The following TWF1 variants were observed in gnomAD, a reference collection of about 807,000 sequenced individuals.
TWF1 encodes twinfilin-1.
In TWF1, 14 loss-of-function variants were observed where a neutral mutation model predicts 47.9. That is an observed-to-expected ratio of 0.29 (90% CI 0.19 to 0.46). The LOEUF (loss-of-function observed/expected upper bound fraction) is 0.46. TWF1 is among the 20% of genes least tolerant of loss of function. TWF1 has a pLI of 1.00. For synonymous variants in TWF1, 96 were observed against 139.2 expected (o/e 0.69, Z 2.18); for missense variants, 281 against 409.3 (o/e 0.69, Z 2.70).
chr12:43,797,423 A>G lies in TWF1; in HGVS notation c.639T>C (p.Ile213=). Residue 213 remains isoleucine (I), a synonymous_variant, in exon 7 of 9, where the codon ATT becomes ATC. Coordinates refer to ENST00000395510, the MANE Select transcript of TWF1 (RefSeq NM_002822.5). ...LEIDIKNEII[I]LANTTNTELK... is the part of the protein sequence containing the mutation. The stretch of plus-strand genomic sequence containing the variant: ...GTTCTGTATTTGTTGTGTTGGCCAA[A>G]ATTATAATTTCATTTTTTATATCTA... The G allele has an allele frequency of 1.3e-6, 2 of 1,597,434 alleles. No individual in the cohort carries two copies. The highest frequency in any genetic ancestry group is 1.7e-6 in the Non-Finnish European group (2 of 1,172,122).
At chr12:43,804,274 C>A (rs1430064458) in intron 2 of TWF1, 3 of 530,600 alleles carry the variant, frequency 5.7e-6, no homozygotes, top group Admixed American at 2.7e-5. Context: ...GAAGAAGTCA[C>A]ATCAAAAAAC....
At chr12:43,798,787 A>G (rs552824653) in intron 5 of TWF1, among the ~76,000 whole-genome samples, 2 of 152,204 alleles carry the variant, frequency 1.3e-5, no homozygotes, top group East Asian at 3.9e-4. Context: ...CAGCTAATGA[A>G]TAGTGGTTTC....
intron 2 of TWF1, among the ~76,000 whole-genome samples, chr12:43,803,529 A>G (rs546632496): frequency 6.6e-6 from 1 of 152,264 alleles, no homozygotes; most frequent in Non-Finnish European, 1.5e-5. Context: ...ACAAAACAAA[A>G]AAGTAAAACC....
chr12:43,804,658 A>C, intron 1 of TWF1, 86 bp from the exon 2 acceptor site: 1 of 918,816 alleles, frequency 1.1e-6, no homozygotes. Flanking sequence ...ATTAGAATAC[A>C]AAGAAAAAAT....
intron 1 of TWF1, 139 bp downstream of exon 1, chr12:43,806,082 C>A: frequency 6.6e-7 from 1 of 1,517,990 alleles, no homozygotes; most frequent in South Asian, 1.2e-5. Context: ...CGCGGAGAGG[C>A]GCCGAGGCCC....
intron 1 of TWF1, chr12:43,805,546 C>A (rs1942744509): frequency 2.2e-6 from 1 of 458,654 alleles, no homozygotes; most frequent in Non-Finnish European, 4.4e-6. Flanking sequence ...CAATTTCAAA[C>A]CAGGAAATAA....
At chr12:43,803,269 A>G (rs919029474) in intron 2 of TWF1, among the ~76,000 whole-genome samples, 1 of 152,192 alleles carries the variant, frequency 6.6e-6, no homozygotes, top group Non-Finnish European at 1.5e-5. Flanking sequence ...AAAGAGCACT[A>G]TATGCTATTT....
At chr12:43,797,240 A>T in intron 7 of TWF1, 62 bp downstream of exon 7, 2 of 1,506,122 alleles carry the variant, frequency 1.3e-6, no homozygotes, top group South Asian at 2.6e-5. Context: ...AAGTAAGAAT[A>T]TAGGGCTGAT....
intron 2 of TWF1, among the ~76,000 whole-genome samples, chr12:43,802,884 A>G (rs988320931): frequency 6.6e-6 from 1 of 152,208 alleles, no homozygotes; most frequent in African/African-American, 2.4e-5. Flanking sequence ...GAAATATTAA[A>G]TAAAACCATG....
In TWF1 at chr12:43,794,218, A is replaced by G. The variant is rs1942511152; in HGVS notation, c.*1367T>C. On this transcript the variant is annotated 3_prime_UTR_variant, in exon 9 of 9. Coordinates refer to ENST00000395510, the MANE Select transcript of TWF1 (RefSeq NM_002822.5). ...AGTAAACAAGTGCAACATTATTGTC[A>G]GTTATTTTGCATGTTTAAATATTAT... 6.6e-6 allele frequency: 1 copy of G among 152,670 alleles called. No homozygotes were observed. The highest frequency in any genetic ancestry group is 2.4e-5 in the African/African-American group (1 of 41,464). The allele number at this position is 152,670 out of a possible 1,614,324, so 9.5% of individuals were successfully genotyped here.
chr12:43,796,487 T>C (rs1290591649), intron 8 of TWF1, among the ~76,000 whole-genome samples: 1 of 152,158 alleles, frequency 6.6e-6, no homozygotes, highest in Non-Finnish European at 1.5e-5. Context: ...CAAATGTTTA[T>C]GCTTATTCCT....
intron 5 of TWF1, among the ~76,000 whole-genome samples, chr12:43,799,085 A>G (rs1003904236): frequency 3.9e-5 from 6 of 152,134 alleles, no homozygotes; most frequent in African/African-American, 1.4e-4. Flanking sequence ...TAAATGGGTA[A>G]CACACACTTT....
chr12:43,806,288 A>G lies in TWF1; in HGVS notation c.-43T>C, dbSNP rs1285028787. Reference sequence around the variant, plus strand: ...CCCGGCTCCGGCGCTGAGTGCAGCCAGCGGCCCCGGCCGGCGGCCCCAGGA... The same window carrying G: ...CCCGGCTCCGGCGCTGAGTGCAGCCGGCGGCCCCGGCCGGCGGCCCCAGGA... On this transcript the variant is annotated 5_prime_UTR_variant, in exon 1 of 9. Coordinates refer to ENST00000395510, the MANE Select transcript of TWF1 (RefSeq NM_002822.5). 4.8e-6 allele frequency: 7 copies of G among 1,455,558 alleles called. No homozygotes were observed. The highest frequency in any genetic ancestry group is 1.3e-5 in the South Asian group (1 of 76,738). 90.2% of individuals were successfully genotyped at this position (1,455,558 alleles called of 1,614,324 possible).
chr12:43,798,099 G>A (rs1434822623), intron 5 of TWF1, among the ~76,000 whole-genome samples: 2 of 152,054 alleles, frequency 1.3e-5, no homozygotes, highest in Admixed American at 6.5e-5. Context: ...TGTTTGGTTT[G>A]GCACAATTTC....
chr12:43,802,061 A>C (rs111771385), intron 3 of TWF1, among the ~76,000 whole-genome samples: 61 of 152,254 alleles, frequency 4.0e-4, no homozygotes, highest in Middle Eastern at 6.8e-3. Context: ...CATTGCCACA[A>C]ATTTTTAAAT....
chr12:43,806,126 C>A (rs572256931), intron 1 of TWF1, 95 bp downstream of exon 1: 2 of 1,526,712 alleles, frequency 1.3e-6, no homozygotes, highest in Non-Finnish European at 1.8e-6. Context: ...CCGGAGCTCC[C>A]GGCCCGACTC....
intron 2 of TWF1, 26 bp from the exon 3 acceptor site, chr12:43,802,490 T>C (rs767332274): frequency 9.0e-6 from 14 of 1,560,376 alleles, no homozygotes; most frequent in East Asian, 6.8e-5. Flanking sequence ...TTTAGAAAGA[T>C]AGGTAAATGG....
chr12:43,797,528 C>G, intron 6 of TWF1, 76 bp from the exon 7 acceptor site: 1 of 1,377,804 alleles, frequency 7.3e-7, no homozygotes, highest in Non-Finnish European at 9.8e-7. Context: ...ATAAAAAGAC[C>G]AAGAGATAAA....
rs1443563743 is a variant in TWF1, at chr12:43,794,546, A to AT, written c.*1038dup. On this transcript the variant is annotated 3_prime_UTR_variant, in exon 9 of 9. Transcript: ENST00000395510. ...TTGCAGCAGGTTTAACAGATTAAAC[A>AT]TTAAGTGTTCTAGCTCCCTCTATTT... 6.6e-6 allele frequency: 1 copy of AT among 150,718 alleles called. No homozygotes were observed. Among genetic ancestry groups the AT allele is most frequent in the East Asian group, 1.9e-4 (1 of 5,176 alleles). 9.3% of individuals were successfully genotyped at this position (150,718 alleles called of 1,614,324 possible). A position where few individuals can be genotyped will look rare whatever the true frequency, so the allele number is the denominator to read the frequency against.
Sources: gnomAD v4.1 joint callset for allele counts (sites outside exome capture counted in the v4.1 genomes callset) on GRCh38, gnomAD v4.1.1 for gene constraint, MANE v1.5 for transcripts, NCBI Gene and HGNC (gene_info 2026-07-23, HGNC 2026-07-21) for gene names.